ATP13A4: variants seen among roughly 807,000 people sequenced by gnomAD.
ATP13A4 encodes the protein ATPase 13A4, also known as probable cation-transporting ATPase 13A4.
ATP13A4 carries 114 observed loss-of-function variants against 142.5 expected under a neutral mutation model. That is an observed-to-expected ratio of 0.80 (90% confidence interval 0.69 to 0.93). The LOEUF (loss-of-function observed/expected upper bound fraction) is 0.93, where lower values mean the gene tolerates loss of function less well. Ranked by LOEUF, ATP13A4 falls within the 40% of genes least tolerant of loss-of-function variation. The probability of loss-of-function intolerance (pLI) is 0.00; values close to 1 mark genes in which losing one functional copy is unlikely to be tolerated. For synonymous variants in ATP13A4, 488 were observed against 514.8 expected (o/e 0.95, Z 0.70); for missense variants, 1,392 against 1,454.0 (o/e 0.96, Z 0.69).
chr3:193,412,874 A>C (rs1177842458), intron 26 of ATP13A4, among the ~76,000 whole-genome samples: 1 of 152,170 alleles, frequency 6.6e-6, no homozygotes, highest in African/African-American at 2.4e-5. Flanking sequence ...ATACAAAAAA[A>C]TTAGCTGCAC....
At chr3:193,573,112 G>A (rs886296334) in intron 2 of ATP13A4, among the ~76,000 whole-genome samples, 1 of 150,720 alleles carries the variant, frequency 6.6e-6, no homozygotes, top group Non-Finnish European at 1.5e-5. Flanking sequence ...AGCTTGCAGT[G>A]AGCCGAGATC....
At chr3:193,514,197 A>G (rs554991403) in intron 2 of ATP13A4, among the ~76,000 whole-genome samples, 1 of 152,306 alleles carries the variant, frequency 6.6e-6, no homozygotes, top group East Asian at 1.9e-4. Flanking sequence ...TATTAAGCTT[A>G]GTACCCATTA....
chr3:193,426,247 TA>T (rs978727671), intron 25 of ATP13A4, among the ~76,000 whole-genome samples: 4 of 151,602 alleles, frequency 2.6e-5, no homozygotes, highest in Non-Finnish European at 5.9e-5. Flanking sequence ...AAGACAAACT[TA>T]AAAAAATTCT....
intron 1 of ATP13A4, among the ~76,000 whole-genome samples, chr3:193,545,647 C>T (rs1398832297): frequency 1.3e-5 from 2 of 152,164 alleles, no homozygotes; most frequent in Non-Finnish European, 2.9e-5. Flanking sequence ...CAAAATGAAT[C>T]TCTTCTGGAT....
chr3:193,508,486 C>A (rs1048949668), intron 2 of ATP13A4, among the ~76,000 whole-genome samples: 7 of 152,132 alleles, frequency 4.6e-5, no homozygotes, highest in Admixed American at 4.6e-4. Flanking sequence ...TCTATGCCTC[C>A]ATCTGTAAAA....
intron 8 of ATP13A4, among the ~76,000 whole-genome samples, chr3:193,480,448 C>T (rs1260458033): frequency 6.6e-6 from 1 of 151,822 alleles, no homozygotes; most frequent in African/African-American, 2.4e-5. Flanking sequence ...ACAAACAATG[C>T]CATCAAAAAT....
At chr3:193,511,762 G>C (rs529799091) in intron 2 of ATP13A4, among the ~76,000 whole-genome samples, 26 of 151,708 alleles carry the variant, frequency 1.7e-4, no homozygotes, top group Admixed American at 1.3e-3. Context: ...CAAAACGTTT[G>C]ACTCCTTCAT....
At chr3:193,528,601 T>C (rs997554633) in intron 1 of ATP13A4, among the ~76,000 whole-genome samples, 1 of 152,218 alleles carries the variant, frequency 6.6e-6, no homozygotes, top group Non-Finnish European at 1.5e-5. Context: ...TACCCTGGGA[T>C]GCCATACCCA....
intron 2 of ATP13A4, among the ~76,000 whole-genome samples, chr3:193,508,306 C>G (rs1299517830): frequency 9.2e-5 from 14 of 152,202 alleles, no homozygotes; most frequent in Non-Finnish European, 1.8e-4. Context: ...AAGAGCAGTG[C>G]TGGGAATCAA....
chr3:193,461,008 T>C (rs945262867), intron 13 of ATP13A4, among the ~76,000 whole-genome samples: 14 of 152,236 alleles, frequency 9.2e-5, no homozygotes, highest in Non-Finnish European at 1.6e-4. Context: ...TTTTGTTTCA[T>C]TTTATTAATT....
chr3:193,527,603 C>T (rs1221326019), intron 1 of ATP13A4, among the ~76,000 whole-genome samples: 1 of 149,284 alleles, frequency 6.7e-6, no homozygotes, highest in African/African-American at 2.5e-5. Flanking sequence ...CAGAGTGAGG[C>T]TCCATCTAAA....
chr3:193,457,335 C>G, intron 15 of ATP13A4, 44 bp downstream of exon 15: 1 of 1,605,852 alleles, frequency 6.2e-7, no homozygotes, highest in South Asian at 1.1e-5. Flanking sequence ...AAGAGTTTCT[C>G]TTTGAGTTTG....
chr3:193,431,213 T>C (rs1282738920), intron 25 of ATP13A4, among the ~76,000 whole-genome samples: 1 of 152,156 alleles, frequency 6.6e-6, no homozygotes, highest in Non-Finnish European at 1.5e-5. Context: ...TGTATTATTC[T>C]AAGTTCCTAG....
chr3:193,573,150 T>C lies in ATP13A4; in HGVS notation n.291+8557A>G, dbSNP rs939890335. Among the ~76,000 whole-genome samples, 45 of 150,322 alleles carry C rather than the reference T, an allele frequency of 3.0e-4. No individual in the cohort carries two copies. The East Asian group carries it at 4.1e-3, about 14-fold the overall frequency. ...CGACATGGTTTAAATGTTCATGATA[T>C]AATGTTTAGCAAAACTCTAAACAGT... is the stretch of plus-strand genomic sequence containing the variant. On this transcript the variant is annotated intron_variant and non_coding_transcript_variant, in intron 2 of 3. Transcript: ENST00000489140.
intron 13 of ATP13A4, among the ~76,000 whole-genome samples, chr3:193,460,232 C>T (rs1717876007): frequency 6.6e-6 from 1 of 152,222 alleles, no homozygotes; most frequent in African/African-American, 2.4e-5. Flanking sequence ...ACAGCTTGAT[C>T]AGGCCTCCCT....
chr3:193,561,414 G>A (rs1445280889), intron 2 of ATP13A4, among the ~76,000 whole-genome samples: 1 of 152,154 alleles, frequency 6.6e-6, no homozygotes, highest in Non-Finnish European at 1.5e-5. Context: ...GATTATTTAT[G>A]CTGGTTACCT....
chr3:193,571,278 CAAA>C (rs57432082), intron 2 of ATP13A4, among the ~76,000 whole-genome samples: 1 of 95,706 alleles, frequency 1.0e-5, no homozygotes, highest in Admixed American at 1.1e-4. Context: ...GACCTTGTCT[CAAA>C]AAAAAAAAAA....
intron 1 of ATP13A4, among the ~76,000 whole-genome samples, chr3:193,531,315 G>GGAGGGAAGGAAGGGA (rs760523129): frequency 0.024 from 2,235 of 92,822 alleles, 68 homozygotes; most frequent in East Asian, 0.031. Context: ...AGGAAGGAAG[G>GGAGGGAAGGAAGGGA]AAGGAAGGAA....
In ATP13A4 at chr3:193,489,739, A is replaced by T; in HGVS notation, c.729T>A (p.Asp243Glu). ...SIISISLTVY[D>E]LREQSVKLHH... ...TAATAGAAAAACTCACCTCTCTGAG[A>T]TCATATACTGTCAAAGATATGGAAA... The change falls in exon 7 of 30, where the codon GAT (aspartate) becomes GAA (glutamate). Residue 243 changes from aspartate to glutamate, a missense_variant. By Grantham distance (45) the Asp-to-Glu change is conservative (BLOSUM62 2). Coordinates refer to ENST00000342695, the MANE Select transcript of ATP13A4 (RefSeq NM_032279.4). The T allele has an allele frequency of 6.2e-7, 1 of 1,609,318 alleles. No homozygotes were observed. The highest frequency in any genetic ancestry group is 1.1e-5 in the South Asian group (1 of 91,006).
Sources: allele counts gnomAD v4.1 joint callset (sites outside exome capture counted in the v4.1 genomes callset), GRCh38; gene constraint gnomAD v4.1.1; transcripts MANE v1.5; gene names NCBI Gene and HGNC (gene_info 2026-07-23, HGNC 2026-07-21).